SLC30A9: variants seen among roughly 807,000 people sequenced by gnomAD.
SLC30A9 encodes the protein proton-coupled zinc antiporter SLC30A9, mitochondrial.
A neutral mutation model predicts 87.5 loss-of-function variants in SLC30A9; 58 were observed. The observed-to-expected ratio is 0.66, with a 90% CI of 0.54 to 0.82. The LOEUF (loss-of-function observed/expected upper bound fraction) is 0.82, where lower values mean the gene tolerates loss of function less well. Ranked by LOEUF, SLC30A9 falls within the 40% of genes least tolerant of loss-of-function variation. The probability of loss-of-function intolerance (pLI) is 0.00; values close to 1 mark genes in which losing one functional copy is unlikely to be tolerated. For missense variants in SLC30A9, 557 were observed against 679.1 expected (o/e 0.82, Z 2.00); for synonymous variants, 234 against 233.0 (o/e 1.00, Z -0.04).
At chr4:42,001,575 G>A in intron 1 of SLC30A9, 41 bp from the exon 2 acceptor site, 3 of 1,335,052 alleles carry the variant, frequency 2.2e-6, no homozygotes, top group Non-Finnish European at 3.2e-6. Context: ...ATGCAGCTAG[G>A]ACTTGGTTTG....
In SLC30A9 at chr4:42,058,100, CAAA is replaced by C. The variant is rs35993518; in HGVS notation, c.841-2072_841-2070del. On this transcript the variant is annotated intron_variant, in intron 9 of 17. Transcript: ENST00000264451. ...CTGGCGACAGAGTGAGACTTTGTCT[CAAA>C]AAAAAAAAAAAAAAAAAACTGAATT... Among the ~76,000 whole-genome samples, 671 of 109,728 alleles carry C rather than the reference CAAA, an allele frequency of 6.1e-3. 2 individuals carry two copies. The highest frequency in any genetic ancestry group is 8.9e-3 in the Non-Finnish European group (480 of 53,774). 72.0% of individuals were successfully genotyped at this position (109,728 alleles called of 152,430 possible).
In SLC30A9 at chr4:42,021,415, T is replaced by G. The variant is rs201584532; in HGVS notation, c.434+900T>G. Reference sequence around the variant, plus strand: ...TATTGATGTTTTTTAAATCTAGGTTTAATTTCTAGAACTTGATAACATTAC... The same window carrying G: ...TATTGATGTTTTTTAAATCTAGGTTGAATTTCTAGAACTTGATAACATTAC... On this transcript the variant is annotated intron_variant, in intron 4 of 17. Transcript: ENST00000264451. 3.3e-5 allele frequency among the ~76,000 whole-genome samples: 5 copies of G among 152,360 alleles called. No homozygotes were observed. The East Asian group carries it at 9.6e-4, about 29-fold the overall frequency.
intron 17 of SLC30A9, among the ~76,000 whole-genome samples, chr4:42,083,912 C>A (rs1718827134): frequency 6.6e-6 from 1 of 152,102 alleles, no homozygotes; most frequent in Non-Finnish European, 1.5e-5. Context: ...GAGGAAAGTA[C>A]CCCCAGGCAC....
intron 8 of SLC30A9, among the ~76,000 whole-genome samples, chr4:42,044,110 A>G (rs1717040820): frequency 6.6e-6 from 1 of 152,204 alleles, no homozygotes; most frequent in African/African-American, 2.4e-5. Flanking sequence ...AAAACATACC[A>G]AATTGTAAAG....
intron 2 of SLC30A9, among the ~76,000 whole-genome samples, chr4:42,013,266 A>G (rs1429255298): frequency 6.6e-6 from 1 of 152,164 alleles, no homozygotes; most frequent in Admixed American, 6.5e-5. Context: ...GTGACATAGC[A>G]AGATCCTGAC....
At chr4:42,061,900 CA>C (rs1223843929) in intron 10 of SLC30A9, among the ~76,000 whole-genome samples, 67 of 112,900 alleles carry the variant, frequency 5.9e-4, no homozygotes, top group East Asian at 8.4e-4. Flanking sequence ...AACTCCGTTT[CA>C]AAAAAAAAAA....
At chr4:42,075,836 T>G (rs766276158) in intron 16 of SLC30A9, 50 bp downstream of exon 16, 15 of 1,557,266 alleles carry the variant, frequency 9.6e-6, no homozygotes, top group Non-Finnish European at 1.1e-5. Flanking sequence ...GAAAAATGCT[T>G]TTAAGGTAAA....
intron 8 of SLC30A9, among the ~76,000 whole-genome samples, chr4:42,041,073 C>G (rs1716903136): frequency 1.3e-5 from 2 of 152,096 alleles, no homozygotes; most frequent in African/African-American, 4.8e-5. Flanking sequence ...AGAGCTTGTG[C>G]AGGGTAACTC....
At chr4:42,045,891 T>A (rs1717130977) in intron 8 of SLC30A9, among the ~76,000 whole-genome samples, 1 of 152,218 alleles carries the variant, frequency 6.6e-6, no homozygotes, top group Non-Finnish European at 1.5e-5. Context: ...GTTGGTTTCA[T>A]CCCTGGGATG....
At chr4:42,056,253 GAAT>G (rs1717606842) in intron 9 of SLC30A9, among the ~76,000 whole-genome samples, 1 of 151,904 alleles carries the variant, frequency 6.6e-6, no homozygotes, top group Admixed American at 6.6e-5. Flanking sequence ...CACATAATGT[GAAT>G]AATGACTGTC....
Position 42,035,265 on chromosome 4 carries a change from A to G in SLC30A9, c.611-10A>G, listed in dbSNP as rs762504958. On this transcript the variant is annotated splice_polypyrimidine_tract_variant and intron_variant, in intron 6 of 17. Coordinates refer to ENST00000264451, the MANE Select transcript of SLC30A9 (RefSeq NM_006345.4). ...ATCTATGACCTAAATTTATTTTGTTATTCTTACAGGGCTATTTAGAAACCA... is the reference window on the plus strand; with the variant it reads ...ATCTATGACCTAAATTTATTTTGTTGTTCTTACAGGGCTATTTAGAAACCA... The G allele has an allele frequency of 9.4e-6, 15 of 1,591,790 alleles. No individual in the cohort carries two copies. The highest frequency in any genetic ancestry group is 1.2e-5 in the Non-Finnish European group (14 of 1,163,284).
chr4:42,053,695 CAAAAAAAAAAAAAAAAAAA>C (rs56190460), intron 9 of SLC30A9, among the ~76,000 whole-genome samples: 2 of 55,924 alleles, frequency 3.6e-5, no homozygotes, highest in Non-Finnish European at 5.8e-5. Context: ...ACTCGGTCTC[CAAAAAAAAAAAAAAAAAAA>C]AAAAAAAAAA....
At chr4:42,049,021 G>T (rs10938168) in intron 8 of SLC30A9, among the ~76,000 whole-genome samples, 91,367 of 151,818 alleles carry the variant, frequency 0.6, 32,843 homozygotes, top group East Asian at 0.95. Flanking sequence ...GGAGTGCAGT[G>T]GCACGATCAT....
rs970724871 is a variant in SLC30A9 at position 42,088,382 on chromosome 4, TA to T, written c.*2263del. On this transcript the variant is annotated 3_prime_UTR_variant, in exon 18 of 18. Coordinates refer to ENST00000264451, the MANE Select transcript of SLC30A9 (RefSeq NM_006345.4). ...CAACACAGCGAGACCTCATCTCTAC[TA>T]AAAAAAGTTAGCCGGGTGTGGTGGT... 10 of 152,190 alleles carry T rather than the reference TA, an allele frequency of 6.6e-5. No individual in the cohort carries two copies. The highest frequency in any genetic ancestry group is 1.3e-4 in the Admixed American group (2 of 15,262). 9.4% of individuals were successfully genotyped at this position (152,190 alleles called of 1,614,324 possible).
At chr4:42,035,417 CTG>C (rs1483260238) in intron 7 of SLC30A9, 84 bp downstream of exon 7, 5 of 1,455,060 alleles carry the variant, frequency 3.4e-6, no homozygotes, top group Non-Finnish European at 4.7e-6. Context: ...TCTAGCATGT[CTG>C]TGATCTCAAT....
In SLC30A9 at chr4:42,034,091, GAGAAAACACAGTAATAGAAAAA is replaced by G. The variant is rs1716573912; in HGVS notation, c.611-1183_611-1162del. Among the ~76,000 whole-genome samples the G allele has an allele frequency of 1.9e-4, 5 of 26,898 alleles. No homozygotes were observed. The South Asian group carries it at 0.021, about 112-fold the overall frequency. 17.6% of individuals were successfully genotyped at this position (26,898 alleles called of 152,430 possible). ...AGAATTTTTTGTAATACAAAAATTT[GAGAAAACACAGTAATAGAAAAA>G]TACTCTCTCATATTTTTCAACTTTG... On this transcript the variant is annotated intron_variant, in intron 6 of 17. Transcript: ENST00000264451.
At chr4:42,008,867 G>C (rs2660319) in intron 2 of SLC30A9, among the ~76,000 whole-genome samples, 2 of 152,002 alleles carry the variant, frequency 1.3e-5, no homozygotes, top group African/African-American at 4.8e-5. Flanking sequence ...GGGTTTACCT[G>C]TGCAATTTCT....
At chr4:42,060,038 T>C (rs1717780149) in intron 9 of SLC30A9, among the ~76,000 whole-genome samples, 153 bp from the exon 10 acceptor site, 1 of 152,188 alleles carries the variant, frequency 6.6e-6, no homozygotes. Flanking sequence ...TTTTTTAAGG[T>C]AAGTACTAGA....
intron 17 of SLC30A9, among the ~76,000 whole-genome samples, chr4:42,081,784 T>C (rs1185663680): frequency 2.0e-5 from 3 of 151,920 alleles, no homozygotes; most frequent in Non-Finnish European, 2.9e-5. Flanking sequence ...TCAGACCTTA[T>C]TGTTTTTGTT....
Sources: allele counts gnomAD v4.1 joint callset (sites outside exome capture counted in the v4.1 genomes callset), GRCh38; gene constraint gnomAD v4.1.1; transcripts MANE v1.5; gene names NCBI Gene and HGNC (gene_info 2026-07-23, HGNC 2026-07-21).